MACROD2: variants seen among roughly 807,000 people sequenced by gnomAD.
MACROD2 encodes mono-ADP ribosylhydrolase 2.
Under a neutral mutation model 70.4 loss-of-function variants are expected in MACROD2, and 36 were observed. The observed-to-expected ratio is 0.51, with a 90% CI of 0.39 to 0.68. MACROD2 has a LOEUF of 0.68. MACROD2 is among the 30% of genes least tolerant of loss of function. MACROD2 has a pLI of 0.00. For missense variants in MACROD2, 496 were observed against 538.4 expected (o/e 0.92, Z 0.78); for synonymous variants, 172 against 178.8 (o/e 0.96, Z 0.30).
intron 10 of MACROD2, among the ~76,000 whole-genome samples, chr20:15,890,794 A>G (rs544895197): frequency 6.6e-6 from 1 of 152,086 alleles, no homozygotes; most frequent in South Asian, 2.1e-4. Flanking sequence ...ATGAGTCGCC[A>G]TAGCTCTGTA....
At chr20:14,059,710 A>G (rs2053670745) in intron 2 of MACROD2, among the ~76,000 whole-genome samples, 1 of 152,242 alleles carries the variant, frequency 6.6e-6, no homozygotes, top group Non-Finnish European at 1.5e-5. Context: ...TTTGTCAGGC[A>G]TTTGAGATAG....
intron 8 of MACROD2, among the ~76,000 whole-genome samples, chr20:15,506,880 T>A (rs1205421120): frequency 1.3e-5 from 2 of 152,226 alleles, no homozygotes; most frequent in African/African-American, 4.8e-5. Flanking sequence ...TGCCTTTTTA[T>A]GTCCACAAAC....
chr20:14,233,372 G>T (rs1266941479), intron 3 of MACROD2, among the ~76,000 whole-genome samples: 1 of 152,000 alleles, frequency 6.6e-6, no homozygotes, highest in Non-Finnish European at 1.5e-5. Context: ...AATAAAATGA[G>T]GTATGCCTGA....
At chr20:14,609,007 G>A (rs1982990091) in intron 4 of MACROD2, among the ~76,000 whole-genome samples, 1 of 152,106 alleles carries the variant, frequency 6.6e-6, no homozygotes, top group African/African-American at 2.4e-5. Context: ...AAGGACAGGG[G>A]AACTTGGTGA....
intron 15 of MACROD2, among the ~76,000 whole-genome samples, chr20:16,003,831 C>T (rs577686746): frequency 2.4e-4 from 36 of 152,210 alleles, no homozygotes; most frequent in African/African-American, 7.5e-4. Flanking sequence ...CCACCACGCC[C>T]GGCTAATTTT....
chr20:14,653,453 C>T (rs572195557), intron 4 of MACROD2, among the ~76,000 whole-genome samples: 18 of 151,988 alleles, frequency 1.2e-4, no homozygotes, highest in African/African-American at 4.3e-4. Context: ...TTCCTGACCT[C>T]GTGATCTTCC....
At chr20:14,172,303 C>CTT (rs142877520) in intron 3 of MACROD2, among the ~76,000 whole-genome samples, 25,248 of 112,168 alleles carry the variant, frequency 0.23, 4,395 homozygotes, top group Admixed American at 0.28. Flanking sequence ...CATTCCGTAC[C>CTT]TTTTTTTTTT....
At chr20:14,685,517 C>T (rs1232248205) in intron 5 of MACROD2, among the ~76,000 whole-genome samples, 1 of 152,148 alleles carries the variant, frequency 6.6e-6, no homozygotes, top group Non-Finnish European at 1.5e-5. Flanking sequence ...GCGGAATGGT[C>T]AAAATTTCCG....
chr20:15,974,425 G>T (rs1568679323), intron 13 of MACROD2, among the ~76,000 whole-genome samples: 1 of 152,120 alleles, frequency 6.6e-6, no homozygotes, highest in Non-Finnish European at 1.5e-5. Flanking sequence ...ATGTGAAAAG[G>T]CTACATATTG....
intron 7 of MACROD2, among the ~76,000 whole-genome samples, chr20:15,438,451 T>G (rs1397007562): frequency 1.3e-5 from 2 of 152,196 alleles, no homozygotes; most frequent in Non-Finnish European, 2.9e-5. Flanking sequence ...CTTTTTTTCA[T>G]TGGCTTGTTG....
rs796393171 is a variant in MACROD2, at chr20:15,712,556, T to TA, written c.646-150180dup. ...AGGCAAGAGCCAGGGAAGTTGCTCT[T>TA]AAAAAAAAATAAAAGACCTGGAAAC... On this transcript the variant is annotated intron_variant, in intron 8 of 17. Coordinates refer to ENST00000684519, the MANE Select transcript of MACROD2 (RefSeq NM_001351661.2). 9.3e-4 allele frequency among the ~76,000 whole-genome samples: 141 copies of TA among 151,590 alleles called. 1 individual carries two copies. The highest frequency in any genetic ancestry group is 2.7e-3 in the African/African-American group (112 of 41,354).
intron 8 of MACROD2, among the ~76,000 whole-genome samples, chr20:15,678,021 C>T (rs78561513): frequency 0.26 from 39,724 of 151,506 alleles, 6,487 homozygotes; most frequent in Non-Finnish European, 0.37. Context: ...GCCAAGATCA[C>T]GCCACTGCAC....
intron 7 of MACROD2, among the ~76,000 whole-genome samples, chr20:15,451,316 T>C (rs1265674967): frequency 6.7e-6 from 1 of 149,338 alleles, no homozygotes; most frequent in Non-Finnish European, 1.5e-5. Context: ...CAAAGCATTT[T>C]AAACTGACAG....
chr20:15,881,587 T>C (rs2064754968), intron 9 of MACROD2, among the ~76,000 whole-genome samples: 2 of 152,142 alleles, frequency 1.3e-5, no homozygotes, highest in African/African-American at 2.4e-5. Context: ...AGAGCAATTG[T>C]AGAGGTTACA....
At chr20:14,061,852 G>A (rs2053694567) in intron 2 of MACROD2, among the ~76,000 whole-genome samples, 1 of 152,088 alleles carries the variant, frequency 6.6e-6, no homozygotes, top group Non-Finnish European at 1.5e-5. Context: ...TTGGGCTTCT[G>A]ATATTAAAAT....
At chr20:15,499,419 G>T (rs577336804) in intron 7 of MACROD2, among the ~76,000 whole-genome samples, 1 of 151,846 alleles carries the variant, frequency 6.6e-6, no homozygotes, top group Non-Finnish European at 1.5e-5. Flanking sequence ...TTTAAGCTGA[G>T]GATAATAAAC....
intron 3 of MACROD2, chr20:14,337,585 C>T (rs949781283): frequency 3.5e-5 from 14 of 398,356 alleles, no homozygotes; most frequent in South Asian, 1.3e-4. Flanking sequence ...GAGGAGTGAG[C>T]GAGGGAGAGC....
At chr20:14,317,287 A>C (rs954878118) in intron 3 of MACROD2, among the ~76,000 whole-genome samples, 4 of 152,134 alleles carry the variant, frequency 2.6e-5, no homozygotes, top group African/African-American at 9.7e-5. Context: ...GGTACCTATC[A>C]TAGTTTTTCA....
intron 2 of MACROD2, among the ~76,000 whole-genome samples, chr20:14,021,430 C>T (rs576185043): frequency 6.6e-6 from 1 of 152,238 alleles, no homozygotes; most frequent in Admixed American, 6.5e-5. Flanking sequence ...TCTTTTTCAC[C>T]TGAGTTTTGT....
Sources: gnomAD v4.1 joint callset for allele counts (sites outside exome capture counted in the v4.1 genomes callset) on GRCh38, gnomAD v4.1.1 for gene constraint, MANE v1.5 for transcripts, NCBI Gene and HGNC (gene_info 2026-07-23, HGNC 2026-07-21) for gene names.